PDGFD: variants seen among roughly 807,000 people sequenced by gnomAD.
The protein encoded by PDGFD is platelet-derived growth factor D.
Under a neutral mutation model 44.7 loss-of-function variants are expected in PDGFD, and 30 were observed. The ratio of observed to expected loss-of-function variants is 0.67; its 90% CI spans 0.50 to 0.91. The LOEUF is 0.91. Among genes scored for constraint, PDGFD ranks in the 40% least tolerant of loss-of-function variants. The pLI, the probability that PDGFD is intolerant of heterozygous loss-of-function variation, is 0.00. For synonymous variants in PDGFD, 173 were observed against 168.4 expected, an observed-to-expected ratio of 1.03 and a Z score of -0.21; for missense variants, 445 against 457.8, an observed-to-expected ratio of 0.97 and a Z score of 0.25.
chr11:103,970,380 C>A (rs1318834925), intron 3 of PDGFD, among the ~76,000 whole-genome samples: 1 of 152,108 alleles, frequency 6.6e-6, no homozygotes, highest in Non-Finnish European at 1.5e-5. Context: ...CGAGAAAGTT[C>A]TTCTATGAAA....
intron 1 of PDGFD, among the ~76,000 whole-genome samples, chr11:104,018,944 C>A (rs1415401883): frequency 6.6e-6 from 1 of 152,142 alleles, no homozygotes; most frequent in Non-Finnish European, 1.5e-5. Context: ...GCCACAATGG[C>A]CTGGCATGTC....
chr11:104,036,177 AC>A (rs1403345312), intron 1 of PDGFD, among the ~76,000 whole-genome samples: 1 of 152,142 alleles, frequency 6.6e-6, no homozygotes, highest in Admixed American at 6.5e-5. Context: ...GGTGGCTCAC[AC>A]CTGTAATTCC....
At chr11:104,008,572 A>G (rs1314153513) in intron 1 of PDGFD, among the ~76,000 whole-genome samples, 1 of 152,158 alleles carries the variant, frequency 6.6e-6, no homozygotes, top group Non-Finnish European at 1.5e-5. Context: ...ATTAAAATAA[A>G]TGTTTTAATG....
At chr11:104,119,148 T>C (rs1289105614) in intron 1 of PDGFD, among the ~76,000 whole-genome samples, 1 of 39,996 alleles carries the variant, frequency 2.5e-5, no homozygotes, top group East Asian at 1.3e-3. Flanking sequence ...TATATTAATA[T>C]AATATATTGA....
In PDGFD at chr11:103,962,837, T is replaced by C. The variant is rs1371703621; in HGVS notation, c.511-15113A>G. On this transcript the variant is annotated intron_variant, in intron 3 of 6. Coordinates refer to ENST00000393158, the MANE Select transcript of PDGFD (RefSeq NM_025208.5). ...TTCACATGAAACTATCTGGCTCAGG[T>C]AGACATTCATTACATTCTTTCCAAA... Among the ~76,000 whole-genome samples, 6 of 152,148 alleles carry C rather than the reference T, an allele frequency of 3.9e-5. No homozygotes were observed. The East Asian group carries it at 1.2e-3, about 29-fold the overall frequency.
At chr11:104,086,966 A>G (rs533106694) in intron 1 of PDGFD, among the ~76,000 whole-genome samples, 23 of 151,396 alleles carry the variant, frequency 1.5e-4, no homozygotes, top group Non-Finnish European at 8.8e-5. Context: ...TGCACTGTCC[A>G]TAACTCAATT....
chr11:104,010,676 G>C (rs74808755), intron 1 of PDGFD, among the ~76,000 whole-genome samples: 2,612 of 152,046 alleles, frequency 0.017, 76 homozygotes, highest in Admixed American at 0.075. Flanking sequence ...AACCATGGTA[G>C]ATTTTATCAC....
At chr11:103,922,952 C>T (rs1172816763) in intron 6 of PDGFD, among the ~76,000 whole-genome samples, 1 of 152,042 alleles carries the variant, frequency 6.6e-6, no homozygotes, top group Non-Finnish European at 1.5e-5. Context: ...CTAATTTTCC[C>T]CAGTTTATTA....
intron 1 of PDGFD, among the ~76,000 whole-genome samples, chr11:104,009,201 G>A (rs966768816): frequency 1.3e-5 from 2 of 151,992 alleles, no homozygotes; most frequent in Non-Finnish European, 2.9e-5. Context: ...CCAGAGCCAG[G>A]CCCTACCATA....
At chr11:103,973,843 G>C (rs1321092618) in intron 3 of PDGFD, among the ~76,000 whole-genome samples, 1 of 152,196 alleles carries the variant, frequency 6.6e-6, no homozygotes, top group Non-Finnish European at 1.5e-5. Context: ...GTAAGAGAGA[G>C]AGCGCTAAGG....
intron 1 of PDGFD, among the ~76,000 whole-genome samples, chr11:104,151,091 C>A (rs530530268): frequency 6.6e-6 from 1 of 152,176 alleles, no homozygotes; most frequent in Admixed American, 6.5e-5. Flanking sequence ...CTGTTGCACA[C>A]CCATCATTGA....
intron 4 of PDGFD, among the ~76,000 whole-genome samples, chr11:103,945,078 G>A (rs1858649035): frequency 6.6e-6 from 1 of 152,046 alleles, no homozygotes; most frequent in African/African-American, 2.4e-5. Flanking sequence ...CTGTTCAGGT[G>A]TATCCAGGTA....
At chr11:104,112,121 A>C (rs1861567159) in intron 1 of PDGFD, among the ~76,000 whole-genome samples, 2 of 152,324 alleles carry the variant, frequency 1.3e-5, no homozygotes, top group African/African-American at 4.8e-5. Flanking sequence ...TAATTCAATT[A>C]ATTAAAGAAA....
intron 1 of PDGFD, among the ~76,000 whole-genome samples, chr11:104,151,978 T>C (rs1862252705): frequency 6.6e-6 from 1 of 152,166 alleles, no homozygotes; most frequent in African/African-American, 2.4e-5. Context: ...CACATGGCAC[T>C]GCCTTGCCCT....
intron 1 of PDGFD, among the ~76,000 whole-genome samples, chr11:104,154,170 T>C (rs1862277539): frequency 6.6e-6 from 1 of 152,228 alleles, no homozygotes; most frequent in African/African-American, 2.4e-5. Context: ...TTGAATGTTC[T>C]TTCTTTTCCT....
chr11:103,937,761 T>C lies in PDGFD; in HGVS notation c.772+5691A>G, dbSNP rs1203963781. Among the ~76,000 whole-genome samples the C allele has an allele frequency of 5.0e-5, 7 of 141,006 alleles. No individual in the cohort carries two copies. The South Asian group carries it at 7.0e-4, about 14-fold the overall frequency. 92.5% of individuals were successfully genotyped at this position (141,006 alleles called of 152,430 possible). On this transcript the variant is annotated intron_variant, in intron 5 of 6. Transcript: ENST00000393158. ...ATGTTCCCCTTCCTGTGTCCATGTG[T>C]TCTCATTGTTCAATTCCCACCTATG...
At chr11:103,973,562 C>T (rs1249226177) in intron 3 of PDGFD, among the ~76,000 whole-genome samples, 3 of 152,062 alleles carry the variant, frequency 2.0e-5, no homozygotes, top group Admixed American at 6.6e-5. Flanking sequence ...TGCTAGGATA[C>T]GTTATTTCCA....
intron 1 of PDGFD, among the ~76,000 whole-genome samples, chr11:104,111,890 T>C (rs1481267147): frequency 1.3e-5 from 2 of 152,290 alleles, no homozygotes; most frequent in East Asian, 3.9e-4. Context: ...TATGCCTGCT[T>C]CAAAAAGTAG....
At chr11:103,960,365 C>A (rs1858916950) in intron 3 of PDGFD, among the ~76,000 whole-genome samples, 1 of 152,090 alleles carries the variant, frequency 6.6e-6, no homozygotes, top group South Asian at 2.1e-4. Flanking sequence ...TTTTGGCAGG[C>A]CTCATGCCTC....
Sources: allele counts gnomAD v4.1 joint callset (sites outside exome capture counted in the v4.1 genomes callset), GRCh38; gene constraint gnomAD v4.1.1; transcripts MANE v1.5; gene names NCBI Gene and HGNC (gene_info 2026-07-23, HGNC 2026-07-21).